The following PTK2 variants were observed in gnomAD, a reference collection of about 807,000 sequenced individuals.
The protein encoded by PTK2 is protein tyrosine kinase 2, also known as focal adhesion kinase 1.
A neutral mutation model predicts 150.1 loss-of-function variants in PTK2; 45 were observed. The ratio of observed to expected loss-of-function variants is 0.30; its 90% CI spans 0.24 to 0.38. The LOEUF (loss-of-function observed/expected upper bound fraction) is 0.38, where lower values mean the gene tolerates loss of function less well. Among genes scored for constraint, PTK2 ranks in the 10% least tolerant of loss-of-function variants. The pLI, the probability that PTK2 is intolerant of heterozygous loss-of-function variation, is 1.00. For missense variants in PTK2, 919 were observed against 1,307.3 expected (o/e 0.70, Z 4.58); for synonymous variants, 432 against 449.2 (o/e 0.96, Z 0.48).
intron 1 of PTK2, among the ~76,000 whole-genome samples, chr8:140,936,630 G>A (rs983409688): frequency 2.0e-5 from 3 of 151,504 alleles, no homozygotes; most frequent in Non-Finnish European, 4.4e-5. Context: ...TCAAAAACTG[G>A]ACCTCCTTAA....
intron 14 of PTK2, among the ~76,000 whole-genome samples, chr8:140,769,847 A>G (rs2100074545): frequency 6.6e-6 from 1 of 152,258 alleles, no homozygotes; most frequent in South Asian, 2.1e-4. Context: ...GAAGTTACAC[A>G]GCTAAAGTAT....
At chr8:140,705,970 T>A (rs1460643362) in intron 24 of PTK2, 149 bp downstream of exon 27, 1 of 573,228 alleles carries the variant, frequency 1.7e-6, no homozygotes, top group African/African-American at 1.9e-5. Flanking sequence ...ACAACATCAT[T>A]CAATGATTAG....
At chr8:140,795,703 C>T (rs2100091144) in intron 12 of PTK2, among the ~76,000 whole-genome samples, 1 of 152,150 alleles carries the variant, frequency 6.6e-6, no homozygotes, top group Non-Finnish European at 1.5e-5. Flanking sequence ...ATCCTCTATC[C>T]TAGAACTGTG....
intron 2 of PTK2, among the ~76,000 whole-genome samples, chr8:140,916,891 C>T (rs1024947244): frequency 1.9e-4 from 29 of 152,250 alleles, no homozygotes; most frequent in African/African-American, 6.7e-4. Context: ...CCTCAATTAT[C>T]GCATCTGGAA....
At chr8:140,972,819 T>C (rs936362298) in intron 1 of PTK2, among the ~76,000 whole-genome samples, 23 of 151,936 alleles carry the variant, frequency 1.5e-4, no homozygotes, top group African/African-American at 5.3e-4. Context: ...GCTTTTCCTT[T>C]TAAACTAAGT....
intron 25 of PTK2, among the ~76,000 whole-genome samples, chr8:140,702,117 G>A (rs2100030843): frequency 1.4e-5 from 1 of 71,486 alleles, no homozygotes; most frequent in Admixed American, 2.4e-4. Flanking sequence ...GACAGAGTAA[G>A]ACTCTGTCTC....
intron 1 of PTK2, among the ~76,000 whole-genome samples, chr8:140,991,935 G>A (rs192366131): frequency 4.6e-5 from 7 of 151,964 alleles, no homozygotes; most frequent in East Asian, 1.9e-4. Flanking sequence ...GGTCGAAGCC[G>A]CAGTGAGCTG....
Position 140,958,191 on chromosome 8 carries a change from A to T in PTK2, c.-121-32442T>A, listed in dbSNP as rs182674336. Among the ~76,000 whole-genome samples, 276 of 152,304 alleles carry T rather than the reference A, an allele frequency of 1.8e-3. 1 individual carries two copies. Among genetic ancestry groups the T allele is most frequent in the African/African-American group, 6.2e-3 (256 of 41,570 alleles). On this transcript the variant is annotated intron_variant, in intron 1 of 31. Transcript: ENST00000522684. Reference sequence around the variant, plus strand: ...CTCACTCTGTCACCCAGGCCAGAGTACAGTGGTGTGATCATGCCTCACTGC... The same window carrying T: ...CTCACTCTGTCACCCAGGCCAGAGTTCAGTGGTGTGATCATGCCTCACTGC...
At chr8:140,769,613 C>T (rs2100074431) in intron 14 of PTK2, 21 bp from the exon 16 acceptor site, 2 of 1,354,586 alleles carry the variant, frequency 1.5e-6, no homozygotes, top group East Asian at 7.9e-5. Context: ...GGGTGGCATG[C>T]AAAGAAAGGG....
intron 16 of PTK2, among the ~76,000 whole-genome samples, chr8:140,756,245 C>T (rs907381738): frequency 2.0e-5 from 3 of 150,550 alleles, no homozygotes; most frequent in Middle Eastern, 3.2e-3. Context: ...ATCGCCTGAA[C>T]CCGGGAGGCA....
chr8:140,896,791 G>A (rs1357847398), intron 2 of PTK2, among the ~76,000 whole-genome samples: 15 of 118,326 alleles, frequency 1.3e-4, no homozygotes, highest in African/African-American at 3.9e-4. Context: ...AAAAAAACGG[G>A]GGGGGGGGGT....
intron 3 of PTK2, 139 bp downstream of exon 3, chr8:140,890,404 T>C: frequency 1.5e-6 from 1 of 668,814 alleles, no homozygotes; most frequent in Non-Finnish European, 2.4e-6. Flanking sequence ...ATAAATCTTA[T>C]AATTAAAAAT....
At chr8:140,980,703 C>G (rs2100191082) in intron 1 of PTK2, among the ~76,000 whole-genome samples, 2 of 151,552 alleles carry the variant, frequency 1.3e-5, no homozygotes, top group South Asian at 4.2e-4. Flanking sequence ...CTTCAAGTCG[C>G]CTGCCTGGGA....
intron 1 of PTK2, among the ~76,000 whole-genome samples, chr8:140,980,705 T>C (rs1660854322): frequency 6.6e-6 from 1 of 150,976 alleles, no homozygotes; most frequent in Non-Finnish European, 1.5e-5. Flanking sequence ...TCAAGTCGCC[T>C]GCCTGGGACT....
At chr8:141,000,013 CG>C (rs1211580406) in intron 1 of PTK2, among the ~76,000 whole-genome samples, 3 of 108,006 alleles carry the variant, frequency 2.8e-5, no homozygotes, top group African/African-American at 8.6e-5. Context: ...TGAAATGACT[CG>C]GAAAAAAAAA....
chr8:140,896,637 T>G (rs1421689232), intron 2 of PTK2, among the ~76,000 whole-genome samples: 1 of 152,130 alleles, frequency 6.6e-6, no homozygotes, highest in Non-Finnish European at 1.5e-5. Context: ...ACAAAGAGTA[T>G]CTACATGAAA....
rs192261878 is a variant in PTK2, at chr8:140,772,303, C to T, written c.1178-8013G>A. Among the ~76,000 whole-genome samples the T allele has an allele frequency of 1.2e-3, 188 of 152,270 alleles. 1 individual carries two copies. The highest frequency in any genetic ancestry group is 3.4e-4 in the Non-Finnish European group (23 of 68,012). On this transcript the variant is annotated intron_variant, in intron 14 of 31. Transcript: ENST00000522684. ...AATTAGCCAGGTGTGGAGTCACGTA[C>T]CCGTGGGCCCAGCTATTGAGGAGGC... is the stretch of plus-strand genomic sequence containing the variant.
At chr8:140,980,014 G>A (rs1588459622) in intron 1 of PTK2, among the ~76,000 whole-genome samples, 1 of 152,160 alleles carries the variant, frequency 6.6e-6, no homozygotes, top group African/African-American at 2.4e-5. Flanking sequence ...ACTACTTTGG[G>A]AAGCAATTTG....
At chr8:140,887,005 G>A (rs1166773771) in intron 3 of PTK2, among the ~76,000 whole-genome samples, 1 of 152,174 alleles carries the variant, frequency 6.6e-6, no homozygotes, top group Non-Finnish European at 1.5e-5. Context: ...CTTATCTCTA[G>A]AGCTGCCTGA....
Sources: allele counts gnomAD v4.1 joint callset (sites outside exome capture counted in the v4.1 genomes callset), GRCh38; gene constraint gnomAD v4.1.1; transcripts MANE v1.5; gene names NCBI Gene and HGNC (gene_info 2026-07-23, HGNC 2026-07-21).